The following CNTNAP2 variants were observed in gnomAD, a reference collection of about 807,000 sequenced individuals.
CNTNAP2 encodes contactin-associated protein-like 2.
A neutral mutation model predicts 155.2 loss-of-function variants in CNTNAP2; 98 were observed. The observed-to-expected ratio is 0.63, with a 90% CI of 0.54 to 0.75. CNTNAP2 has a LOEUF of 0.75. Among genes scored for constraint, CNTNAP2 ranks in the 30% least tolerant of loss-of-function variants. The pLI is 0.00. For synonymous variants in CNTNAP2, 651 were observed against 631.2 expected, an observed-to-expected ratio of 1.03 and a Z score of -0.47; for missense variants, 1,727 against 1,688.1, an observed-to-expected ratio of 1.02 and a Z score of -0.40.
chr7:146,934,635 A>T (rs187752838), intron 3 of CNTNAP2, among the ~76,000 whole-genome samples: 3 of 152,306 alleles, frequency 2.0e-5, no homozygotes, highest in Non-Finnish European at 4.4e-5. Context: ...AATTTTCAAC[A>T]ATGGACATGT....
intron 19 of CNTNAP2, among the ~76,000 whole-genome samples, chr7:148,220,365 G>A (rs1223652845): frequency 6.6e-6 from 1 of 152,222 alleles, no homozygotes; most frequent in African/African-American, 2.4e-5. Context: ...GCCTTCCAAA[G>A]TGCTGGGATT....
intron 21 of CNTNAP2, among the ~76,000 whole-genome samples, chr7:148,350,460 C>T (rs2037869): frequency 0.65 from 98,826 of 152,016 alleles, 32,606 homozygotes; most frequent in East Asian, 0.95. Flanking sequence ...TGAGGTCATG[C>T]GTAGTAAACA....
chr7:147,479,641 A>C (rs982310609), intron 10 of CNTNAP2, among the ~76,000 whole-genome samples: 2 of 152,212 alleles, frequency 1.3e-5, no homozygotes, highest in African/African-American at 4.8e-5. Flanking sequence ...TCATTATAAT[A>C]AAAAAGATTT....
At chr7:148,414,917 C>T (rs917568049) in intron 23 of CNTNAP2, 7 of 205,928 alleles carry the variant, frequency 3.4e-5, no homozygotes, top group African/African-American at 1.6e-4. Flanking sequence ...TATTATTCGG[C>T]CACAAATTCA....
intron 21 of CNTNAP2, among the ~76,000 whole-genome samples, chr7:148,327,330 G>A (rs926971455): frequency 4.6e-5 from 7 of 152,150 alleles, no homozygotes; most frequent in Non-Finnish European, 1.0e-4. Flanking sequence ...AATTATTTTA[G>A]CATTTCAAAA....
At chr7:147,192,874 T>G (rs1271547815) in intron 8 of CNTNAP2, among the ~76,000 whole-genome samples, 1 of 152,252 alleles carries the variant, frequency 6.6e-6, no homozygotes, top group Non-Finnish European at 1.5e-5. Context: ...TAGATTCTTC[T>G]TTGTAGCTCT....
chr7:147,378,500 G>A (rs1382263264), intron 9 of CNTNAP2, among the ~76,000 whole-genome samples: 3 of 151,962 alleles, frequency 2.0e-5, no homozygotes, highest in African/African-American at 2.4e-5. Context: ...AAGTAAACCA[G>A]GCACAGAAAG....
At chr7:146,629,250 C>T (rs930656102) in intron 1 of CNTNAP2, among the ~76,000 whole-genome samples, 1 of 152,112 alleles carries the variant, frequency 6.6e-6, no homozygotes, top group African/African-American at 2.4e-5. Context: ...TCATCAGCCA[C>T]ACACATAGAA....
At chr7:146,186,641 C>A (rs918727675) in intron 1 of CNTNAP2, among the ~76,000 whole-genome samples, 7 of 152,212 alleles carry the variant, frequency 4.6e-5, no homozygotes, top group Non-Finnish European at 5.9e-5. Context: ...ATATGAATGA[C>A]AATTTGGATA....
intron 9 of CNTNAP2, among the ~76,000 whole-genome samples, chr7:147,331,212 C>A (rs566709460): frequency 2.9e-4 from 44 of 152,106 alleles, no homozygotes; most frequent in African/African-American, 9.9e-4. Flanking sequence ...CTTTGAGGTA[C>A]AATGTTCCCT....
At chr7:147,516,184 A>G (rs1352340760) in intron 11 of CNTNAP2, among the ~76,000 whole-genome samples, 1 of 152,212 alleles carries the variant, frequency 6.6e-6, no homozygotes, top group African/African-American at 2.4e-5. Context: ...AAATGCACAA[A>G]TATTTCCAGG....
At chr7:146,512,962 G>T (rs1479802449) in intron 1 of CNTNAP2, among the ~76,000 whole-genome samples, 2 of 151,816 alleles carry the variant, frequency 1.3e-5, no homozygotes, top group Non-Finnish European at 2.9e-5. Flanking sequence ...TAAATATGAG[G>T]CACTGTTGTG....
rs370352120 is a variant in CNTNAP2, at chr7:146,588,006, A to ATGTGTGTG, written c.98-186245_98-186238dup. ...TAATTTTCAAACAAACCGTGTGTGT[A>ATGTGTGTG]TGTGTGTGTGTGTGTGTGTGTGTGT... On this transcript the variant is annotated intron_variant, in intron 1 of 23. Transcript: ENST00000361727. Among the ~76,000 whole-genome samples, 864 of 148,932 alleles carry ATGTGTGTG rather than the reference A, an allele frequency of 5.8e-3. 11 individuals carry two copies. Among genetic ancestry groups the ATGTGTGTG allele is most frequent in the African/African-American group, 0.017 (692 of 40,550 alleles).
At chr7:146,145,883 A>G (rs1175150189) in intron 1 of CNTNAP2, among the ~76,000 whole-genome samples, 1 of 152,192 alleles carries the variant, frequency 6.6e-6, no homozygotes, top group Admixed American at 6.6e-5. Flanking sequence ...AGCAGCCATG[A>G]GTTTGTGTCT....
At chr7:148,190,144 A>T (rs1795181593) in intron 18 of CNTNAP2, 1 of 152,208 alleles carries the variant, frequency 6.6e-6, no homozygotes, top group African/African-American at 2.4e-5. Flanking sequence ...TGACTTCCAA[A>T]GCTAGGTTAT....
chr7:146,742,011 T>C (rs973720268), intron 1 of CNTNAP2, among the ~76,000 whole-genome samples: 1 of 152,008 alleles, frequency 6.6e-6, no homozygotes, highest in African/African-American at 2.4e-5. Context: ...CTCTCCTTAC[T>C]GAACAAAACA....
At chr7:147,586,132 T>G (rs1584832911) in intron 12 of CNTNAP2, among the ~76,000 whole-genome samples, 2 of 152,294 alleles carry the variant, frequency 1.3e-5, no homozygotes, top group South Asian at 4.1e-4. Flanking sequence ...AAGAGTTTAA[T>G]TATGGTCTAA....
intron 1 of CNTNAP2, among the ~76,000 whole-genome samples, chr7:146,667,829 C>T (rs1800225543): frequency 6.6e-6 from 1 of 150,998 alleles, no homozygotes. Flanking sequence ...ATTTTTTATT[C>T]TGCAATTTTA....
rs569664543 is a variant in CNTNAP2 at position 147,827,063 on chromosome 7, G to A, written c.2099-76502G>A. Among the ~76,000 whole-genome samples, 45 of 151,550 alleles carry A rather than the reference G, an allele frequency of 3.0e-4. No homozygotes were observed. In the South Asian group the frequency reaches 8.8e-3, roughly 30 times the overall value. ...CTCCAACCTCAGCCTCCTGAGTAGC[G>A]GGACTACAGGCACCCACTACCAAGC... On this transcript the variant is annotated intron_variant, in intron 13 of 23. Transcript: ENST00000361727.
Sources: allele counts gnomAD v4.1 joint callset (sites outside exome capture counted in the v4.1 genomes callset), GRCh38; gene constraint gnomAD v4.1.1; transcripts MANE v1.5; gene names NCBI Gene and HGNC (gene_info 2026-07-23, HGNC 2026-07-21).